RNLS: variants seen among roughly 807,000 people sequenced by gnomAD.
RNLS encodes renalase, FAD dependent amine oxidase.
A neutral mutation model predicts 39.8 loss-of-function variants in RNLS; 39 were observed. That is an observed-to-expected ratio of 0.98 (90% CI 0.76 to 1.28). The LOEUF (loss-of-function observed/expected upper bound fraction) is 1.28, where lower values mean the gene tolerates loss of function less well. Ranked by LOEUF, RNLS falls within the 50% of genes most tolerant of loss-of-function variation. The pLI is 0.00. For synonymous variants in RNLS, 147 were observed against 150.7 expected, an observed-to-expected ratio of 0.98 and a Z score of 0.18; for missense variants, 410 against 413.3, an observed-to-expected ratio of 0.99 and a Z score of 0.07.
chr10:88,520,572 A>C lies in RNLS; in HGVS notation c.526+52331T>G, dbSNP rs1846667689. ...AGTTAAGAAAAGAAATTGATGATTGAGGTAGTAAGAGGCAGGTAATCCTAT... is the reference window on the plus strand; with the variant it reads ...AGTTAAGAAAAGAAATTGATGATTGCGGTAGTAAGAGGCAGGTAATCCTAT... On this transcript the variant is annotated intron_variant, in intron 4 of 6. Transcript: ENST00000331772. Among the ~76,000 whole-genome samples, 2 of 152,064 alleles carry C rather than the reference A, an allele frequency of 1.3e-5. 1 individual carries two copies. Among genetic ancestry groups the C allele is most frequent in the South Asian group, 4.1e-4 (2 of 4,834 alleles).
At chr10:88,443,730 C>T (rs1296718355) in intron 4 of RNLS, among the ~76,000 whole-genome samples, 1 of 152,226 alleles carries the variant, frequency 6.6e-6, no homozygotes, top group Non-Finnish European at 1.5e-5. Flanking sequence ...GTAGCTAGCA[C>T]AGCAGTCTGA....
rs548345184 is a variant in RNLS, at chr10:88,296,627, A to C, written c.877-11121T>G. On this transcript the variant is annotated intron_variant, in intron 6 of 6. Transcript: ENST00000331772. ...TAAAAAATTTAATGTTGTGTTCCTC[A>C]GAAAGACAATAATGGAGAATAAAAA... Among the ~76,000 whole-genome samples the C allele has an allele frequency of 2.0e-5, 3 of 152,344 alleles. No individual in the cohort carries two copies. In the South Asian group the frequency reaches 6.2e-4, roughly 32 times the overall value.
At chr10:88,476,404 G>A (rs1843825392) in intron 4 of RNLS, among the ~76,000 whole-genome samples, 2 of 152,052 alleles carry the variant, frequency 1.3e-5, no homozygotes, top group Non-Finnish European at 2.9e-5. Context: ...CACATAGTTT[G>A]CTGATGGGCA....
chr10:88,196,729 A>G, the RNLS span, among the ~76,000 whole-genome samples: 40 of 152,344 alleles, frequency 2.6e-4, no homozygotes, highest in Non-Finnish European at 2.5e-4. Flanking sequence ...TTTAGACGAG[A>G]CAATGCCCGG....
chr10:88,276,204 T>C (rs1350519092), intron 6 of RNLS, among the ~76,000 whole-genome samples: 3 of 152,220 alleles, frequency 2.0e-5, no homozygotes, highest in Admixed American at 1.3e-4. Context: ...AAGGACATAC[T>C]TTTATTATAA....
At chr10:88,492,138 A>G (rs1753102853) in intron 4 of RNLS, among the ~76,000 whole-genome samples, 1 of 152,130 alleles carries the variant, frequency 6.6e-6, no homozygotes, top group South Asian at 2.1e-4. Flanking sequence ...GGAAAAATAG[A>G]CTGTGTGAGA....
At chr10:88,564,664 A>G (rs1467670806) in intron 4 of RNLS, among the ~76,000 whole-genome samples, 1 of 152,164 alleles carries the variant, frequency 6.6e-6, no homozygotes, top group Non-Finnish European at 1.5e-5. Flanking sequence ...AGACAATAAT[A>G]ATGCCTAGCA....
chr10:88,202,125 A>G, the RNLS span, among the ~76,000 whole-genome samples: 1 of 152,162 alleles, frequency 6.6e-6, no homozygotes, highest in Admixed American at 6.5e-5. Flanking sequence ...GCCATAAAAA[A>G]TGATGAGTTC....
chr10:88,317,570 C>T (rs538255651), intron 5 of RNLS, among the ~76,000 whole-genome samples: 7 of 152,204 alleles, frequency 4.6e-5, no homozygotes, highest in Admixed American at 6.5e-5. Context: ...GTGTGTGTTT[C>T]GTAAAATATA....
chr10:88,360,600 C>G (rs1228624878), intron 5 of RNLS, among the ~76,000 whole-genome samples: 1 of 152,086 alleles, frequency 6.6e-6, no homozygotes, highest in Non-Finnish European at 1.5e-5. Flanking sequence ...CCATGCCCAG[C>G]TAGTTTTTTG....
chr10:88,245,656 T>A, the RNLS span, among the ~76,000 whole-genome samples: 3 of 152,238 alleles, frequency 2.0e-5, no homozygotes, highest in South Asian at 6.2e-4. Flanking sequence ...TTTTTTCTTT[T>A]CAAATACTAT....
the RNLS span, among the ~76,000 whole-genome samples, chr10:88,221,283 T>C: frequency 6.6e-6 from 1 of 152,214 alleles, no homozygotes; most frequent in Non-Finnish European, 1.5e-5. Flanking sequence ...TTTCATTTTG[T>C]CAAGTTTTAC....
chr10:88,490,057 T>A (rs1029531767), intron 4 of RNLS, among the ~76,000 whole-genome samples: 1 of 152,190 alleles, frequency 6.6e-6, no homozygotes, highest in African/African-American at 2.4e-5. Context: ...ATGTTTTATA[T>A]GGATTTTTGG....
intron 4 of RNLS, among the ~76,000 whole-genome samples, chr10:88,448,063 A>G (rs886934787): frequency 2.0e-4 from 30 of 152,354 alleles, no homozygotes; most frequent in Admixed American, 3.3e-4. Flanking sequence ...CCATAGAAGA[A>G]AGCCTAGGCA....
rs1243494262 is a variant in RNLS, at chr10:88,524,992, T to C, written c.526+47911A>G. On this transcript the variant is annotated intron_variant, in intron 4 of 6. Coordinates refer to ENST00000331772, the MANE Select transcript of RNLS (RefSeq NM_001031709.3). ...ATATATATATATATATATATATATA[T>C]ATATATACACACACACACATACTAT... is the stretch of plus-strand genomic sequence containing the variant. Among the ~76,000 whole-genome samples the C allele has an allele frequency of 3.8e-5, 5 of 130,844 alleles. No homozygotes were observed. The East Asian group carries it at 1.1e-3, about 30-fold the overall frequency. The allele number at this position is 130,844 out of a possible 152,430, so 85.8% of individuals were successfully genotyped here. A position where few individuals can be genotyped will look rare whatever the true frequency, so the allele number is the denominator to read the frequency against.
intron 4 of RNLS, among the ~76,000 whole-genome samples, chr10:88,428,731 T>G (rs886358794): frequency 6.6e-6 from 1 of 151,938 alleles, no homozygotes; most frequent in Non-Finnish European, 1.5e-5. Context: ...CCTGAAGTGA[T>G]TCATCTATTT....
chr10:88,551,804 A>G (rs959813134), intron 4 of RNLS, among the ~76,000 whole-genome samples: 1 of 152,182 alleles, frequency 6.6e-6, no homozygotes, highest in African/African-American at 2.4e-5. Flanking sequence ...TGGTGGGGAT[A>G]ATAACAACGC....
rs1848249006 is a variant in RNLS at position 88,545,414 on chromosome 10, C to T, written c.526+27489G>A. 1.1e-5 allele frequency: 5 copies of T among 455,296 alleles called. 1 individual carries two copies. The highest frequency in any genetic ancestry group is 4.4e-6 in the Non-Finnish European group (1 of 226,534). The allele number at this position is 455,296 out of a possible 1,614,324, so 28.2% of individuals were successfully genotyped here. ...AGTTCCACATGCTGGAAAGGCCTCACAATCACGGTGGAAGACAAAGAAAGA... is the reference window on the plus strand; with the variant it reads ...AGTTCCACATGCTGGAAAGGCCTCATAATCACGGTGGAAGACAAAGAAAGA... On this transcript the variant is annotated intron_variant, in intron 4 of 6. Coordinates refer to ENST00000331772, the MANE Select transcript of RNLS (RefSeq NM_001031709.3).
chr10:88,224,682 T>C, the RNLS span, among the ~76,000 whole-genome samples: 1 of 152,214 alleles, frequency 6.6e-6, no homozygotes, highest in East Asian at 1.9e-4. Context: ...GGTTTGTAGC[T>C]CAATCCCACT....
Sources: allele counts gnomAD v4.1 joint callset (sites outside exome capture counted in the v4.1 genomes callset), GRCh38; gene constraint gnomAD v4.1.1; transcripts MANE v1.5; gene names NCBI Gene and HGNC (gene_info 2026-07-23, HGNC 2026-07-21).